Variants in CNTN5 observed in about 807,000 individuals in gnomAD.
The protein encoded by CNTN5 is contactin-5.
In CNTN5, 77 loss-of-function variants were observed where a neutral mutation model predicts 129.1. The observed-to-expected ratio is 0.60, with a 90% CI of 0.50 to 0.72. The LOEUF (loss-of-function observed/expected upper bound fraction) is 0.72. Ranked by LOEUF, CNTN5 falls within the 30% of genes least tolerant of loss-of-function variation. The pLI, the probability that CNTN5 is intolerant of heterozygous loss-of-function variation, is 0.00. For missense variants in CNTN5, 1,478 were observed against 1,328.8 expected (o/e 1.11, Z -1.75); for synonymous variants, 509 against 465.6 (o/e 1.09, Z -1.20).
chr11:99,925,714 G>A (rs1170428797), intron 7 of CNTN5, among the ~76,000 whole-genome samples: 4 of 151,680 alleles, frequency 2.6e-5, no homozygotes, highest in African/African-American at 9.7e-5. Flanking sequence ...TTTTTGTTTT[G>A]TGGGTTTTTT....
chr11:99,588,157 C>T (rs1215519177), intron 3 of CNTN5, among the ~76,000 whole-genome samples: 1 of 152,024 alleles, frequency 6.6e-6, no homozygotes, highest in African/African-American at 2.4e-5. Flanking sequence ...TCCTGGCTAA[C>T]ACGGTGAAAC....
chr11:99,785,267 T>C (rs150482893), intron 3 of CNTN5, among the ~76,000 whole-genome samples: 20 of 152,152 alleles, frequency 1.3e-4, no homozygotes, highest in African/African-American at 4.1e-4. Context: ...TTCTTGTAAA[T>C]TTGTTTATGT....
At chr11:99,102,895 C>T (rs779327284) in intron 1 of CNTN5, among the ~76,000 whole-genome samples, 5 of 152,002 alleles carry the variant, frequency 3.3e-5, no homozygotes, top group Admixed American at 6.6e-5. Flanking sequence ...TCCATTTTCA[C>T]GGTGCTAATG....
rs143031803 is a variant in CNTN5, at chr11:100,206,144, C to T, written c.1884+12481C>T. On this transcript the variant is annotated intron_variant, in intron 15 of 24. Transcript: ENST00000524871. ...AGTCAAAGGTACACATCATCCAACC[C>T]GTGGAAGCAGGGCAGACTTCCTAAA... is the stretch of plus-strand genomic sequence containing the variant. Among the ~76,000 whole-genome samples the T allele has an allele frequency of 9.9e-5, 15 of 152,124 alleles. No homozygotes were observed. In the East Asian group the frequency reaches 2.3e-3, roughly 24 times the overall value.
intron 2 of CNTN5, among the ~76,000 whole-genome samples, chr11:99,347,448 T>C (rs1937973887): frequency 6.6e-6 from 1 of 152,148 alleles, no homozygotes; most frequent in Non-Finnish European, 1.5e-5. Context: ...ACATAAACTA[T>C]ATAGAGAAAA....
At chr11:99,100,720 A>G (rs2135348394) in intron 1 of CNTN5, among the ~76,000 whole-genome samples, 1 of 152,304 alleles carries the variant, frequency 6.6e-6, no homozygotes, top group South Asian at 2.1e-4. Flanking sequence ...TTAAACTACT[A>G]TAAAAATATA....
At chr11:99,889,252 A>G (rs1256269063) in intron 6 of CNTN5, among the ~76,000 whole-genome samples, 1 of 150,606 alleles carries the variant, frequency 6.6e-6, no homozygotes, top group Non-Finnish European at 1.5e-5. Flanking sequence ...TGTTGTCAGC[A>G]TGGGCTTATG....
chr11:99,580,581 T>G (rs1010356654), intron 3 of CNTN5, among the ~76,000 whole-genome samples: 1 of 152,192 alleles, frequency 6.6e-6, no homozygotes, highest in African/African-American at 2.4e-5. Context: ...GCCGAGGAAT[T>G]TATCCATTTC....
chr11:100,000,176 A>G (rs1278633755), intron 8 of CNTN5, among the ~76,000 whole-genome samples: 1 of 152,000 alleles, frequency 6.6e-6, no homozygotes, highest in Non-Finnish European at 1.5e-5. Flanking sequence ...AAATAAATAA[A>G]TAAATAAATA....
intron 8 of CNTN5, among the ~76,000 whole-genome samples, chr11:99,959,352 T>C (rs1950883190): frequency 6.6e-6 from 1 of 152,198 alleles, no homozygotes; most frequent in Non-Finnish European, 1.5e-5. Context: ...CGACCACCAC[T>C]TCACAAAAAC....
intron 3 of CNTN5, among the ~76,000 whole-genome samples, chr11:99,742,628 T>A (rs2135166390): frequency 6.6e-6 from 1 of 152,262 alleles, no homozygotes; most frequent in African/African-American, 2.4e-5. Context: ...TATTTATAGA[T>A]TCATACACTA....
chr11:99,768,339 G>T (rs1944827067), intron 3 of CNTN5, among the ~76,000 whole-genome samples: 1 of 152,038 alleles, frequency 6.6e-6, no homozygotes, highest in Non-Finnish European at 1.5e-5. Context: ...ACTTCAGCAT[G>T]TATCTCCTAA....
At chr11:100,003,117 G>A (rs191962093) in intron 9 of CNTN5, among the ~76,000 whole-genome samples, 2 of 152,186 alleles carry the variant, frequency 1.3e-5, no homozygotes, top group East Asian at 3.9e-4. Flanking sequence ...TAAACACCGT[G>A]TTTTAATATC....
At chr11:99,278,142 T>G (rs1863530014) in intron 1 of CNTN5, among the ~76,000 whole-genome samples, 1 of 151,676 alleles carries the variant, frequency 6.6e-6, no homozygotes, top group African/African-American at 2.4e-5. Flanking sequence ...AGTGTCAGTG[T>G]TTCCTTTAGC....
intron 1 of CNTN5, among the ~76,000 whole-genome samples, chr11:99,219,376 G>A (rs146432421): frequency 1.1e-3 from 161 of 151,996 alleles, no homozygotes; most frequent in Non-Finnish European, 1.9e-3. Flanking sequence ...TCTTAATTGG[G>A]ATAGACTTCT....
chr11:99,704,790 G>A (rs2134899415), intron 3 of CNTN5, among the ~76,000 whole-genome samples: 1 of 151,204 alleles, frequency 6.6e-6, no homozygotes, highest in South Asian at 2.1e-4. Context: ...GAAAAATGAG[G>A]AGTAAAAAAA....
At chr11:99,745,191 T>A (rs1944015343) in intron 3 of CNTN5, among the ~76,000 whole-genome samples, 1 of 152,192 alleles carries the variant, frequency 6.6e-6, no homozygotes, top group Admixed American at 6.5e-5. Flanking sequence ...CTGCTCACCC[T>A]TATAAATTTC....
intron 3 of CNTN5, among the ~76,000 whole-genome samples, chr11:99,620,869 T>A (rs956707228): frequency 6.6e-6 from 1 of 152,044 alleles, no homozygotes; most frequent in Non-Finnish European, 1.5e-5. Flanking sequence ...TATACACCAA[T>A]AGAGACAGAA....
At chr11:99,761,207 T>C (rs1944568417) in intron 3 of CNTN5, among the ~76,000 whole-genome samples, 1 of 152,088 alleles carries the variant, frequency 6.6e-6, no homozygotes, top group South Asian at 2.1e-4. Flanking sequence ...TGCCTTTAGG[T>C]ATATGGATCA....
Sources: allele counts gnomAD v4.1 joint callset (sites outside exome capture counted in the v4.1 genomes callset), GRCh38; gene constraint gnomAD v4.1.1; transcripts MANE v1.5; gene names NCBI Gene and HGNC (gene_info 2026-07-23, HGNC 2026-07-21).